Variants in SLC10A7 observed in about 807,000 individuals in gnomAD.
The protein encoded by SLC10A7 is solute carrier family 10 member 7.
In SLC10A7, 29 loss-of-function variants were observed where a neutral mutation model predicts 43.2. That is an observed-to-expected ratio of 0.67 (90% CI 0.50 to 0.92). The LOEUF (loss-of-function observed/expected upper bound fraction) is 0.92. SLC10A7 is among the 40% of genes least tolerant of loss of function. The probability of loss-of-function intolerance (pLI) is 0.00; values close to 1 mark genes in which losing one functional copy is unlikely to be tolerated. For synonymous variants in SLC10A7, 152 were observed against 144.8 expected (o/e 1.05, Z -0.35); for missense variants, 295 against 403.2 (o/e 0.73, Z 2.30).
At chr4:146,346,532 T>A (rs1242286544) in intron 5 of SLC10A7, among the ~76,000 whole-genome samples, 3 of 152,176 alleles carry the variant, frequency 2.0e-5, no homozygotes, top group Non-Finnish European at 4.4e-5. Context: ...CTATGAGCCT[T>A]AAGTTTCAGA....
intron 5 of SLC10A7, among the ~76,000 whole-genome samples, chr4:146,386,240 T>A (rs1737983875): frequency 6.6e-6 from 1 of 152,214 alleles, no homozygotes. Context: ...ATTGCCAGCA[T>A]CTGTTGTTTT....
intron 5 of SLC10A7, among the ~76,000 whole-genome samples, chr4:146,428,287 T>C (rs1729516528): frequency 1.3e-5 from 2 of 152,248 alleles, no homozygotes; most frequent in African/African-American, 2.4e-5. Flanking sequence ...CTCCATTACA[T>C]GGAGATAGAT....
chr4:146,345,148 T>C (rs1734531246), intron 5 of SLC10A7, among the ~76,000 whole-genome samples: 1 of 152,150 alleles, frequency 6.6e-6, no homozygotes, highest in Non-Finnish European at 1.5e-5. Flanking sequence ...ACTAGCTTGA[T>C]GCAGAGGGAT....
In SLC10A7 at chr4:146,372,668, A is replaced by G. The variant is rs531832049; in HGVS notation, c.436-46672T>C. ...TTAAACAAAACACTAATTCATTTAA[A>G]TAAGGCATTAATAAGATTATGTTTT... On this transcript the variant is annotated intron_variant, in intron 5 of 11. Transcript: ENST00000335472. Among the ~76,000 whole-genome samples the G allele has an allele frequency of 2.6e-5, 4 of 152,306 alleles. No individual in the cohort carries two copies. In the East Asian group the frequency reaches 7.7e-4, roughly 29 times the overall value.
At chr4:146,512,839 C>T (rs942962715) in intron 2 of SLC10A7, among the ~76,000 whole-genome samples, 1 of 151,976 alleles carries the variant, frequency 6.6e-6, no homozygotes, top group Admixed American at 6.6e-5. Context: ...ATAGCAAAAC[C>T]TTGTAAATTA....
intron 9 of SLC10A7, among the ~76,000 whole-genome samples, chr4:146,291,423 C>T (rs1730436004): frequency 6.6e-6 from 1 of 152,132 alleles, no homozygotes; most frequent in Admixed American, 6.5e-5. Context: ...TAGTGCTACA[C>T]CAAGTGCTGT....
chr4:146,387,026 C>T (rs1037966758), intron 5 of SLC10A7, among the ~76,000 whole-genome samples: 2 of 152,206 alleles, frequency 1.3e-5, no homozygotes, highest in Admixed American at 1.3e-4. Context: ...TTAGATTCTA[C>T]TTCTGACCTT....
intron 4 of SLC10A7, among the ~76,000 whole-genome samples, chr4:146,486,047 A>G (rs1261449284): frequency 6.6e-6 from 1 of 152,210 alleles, no homozygotes; most frequent in Non-Finnish European, 1.5e-5. Context: ...TGAATGTGTG[A>G]GGCAACTTCA....
At chr4:146,502,908 G>A (rs1316553274) in intron 4 of SLC10A7, among the ~76,000 whole-genome samples, 1 of 152,156 alleles carries the variant, frequency 6.6e-6, no homozygotes, top group Admixed American at 6.5e-5. Context: ...AGGGACTCAG[G>A]AAACTCTTTG....
intron 4 of SLC10A7, among the ~76,000 whole-genome samples, chr4:146,461,374 G>C (rs77429968): frequency 0.025 from 3,861 of 151,950 alleles, 74 homozygotes; most frequent in Non-Finnish European, 0.04. Flanking sequence ...AATTTTGTGA[G>C]GATTAAATGA....
At chr4:146,506,991 T>C (rs981596567) in intron 3 of SLC10A7, among the ~76,000 whole-genome samples, 1 of 152,218 alleles carries the variant, frequency 6.6e-6, no homozygotes, top group Non-Finnish European at 1.5e-5. Context: ...ATTTATGGCA[T>C]ACAACATGAT....
At chr4:146,396,908 G>A (rs755558581) in intron 5 of SLC10A7, among the ~76,000 whole-genome samples, 15 of 151,624 alleles carry the variant, frequency 9.9e-5, no homozygotes, top group Non-Finnish European at 1.9e-4. Flanking sequence ...ATAACAAAAG[G>A]AAAAGGAGAA....
intron 5 of SLC10A7, among the ~76,000 whole-genome samples, chr4:146,338,009 T>G (rs565926995): frequency 1.1e-4 from 17 of 151,990 alleles, no homozygotes; most frequent in African/African-American, 4.8e-5. Context: ...AACATGGATG[T>G]TTTTTCCCAC....
At chr4:146,462,118 AT>A (rs1732592380) in intron 4 of SLC10A7, among the ~76,000 whole-genome samples, 2 of 152,126 alleles carry the variant, frequency 1.3e-5, no homozygotes, top group Non-Finnish European at 2.9e-5. Flanking sequence ...AATAATTGCT[AT>A]AAAATGTTAA....
chr4:146,379,744 T>C (rs529026169), intron 5 of SLC10A7, among the ~76,000 whole-genome samples: 130 of 152,296 alleles, frequency 8.5e-4, no homozygotes, highest in African/African-American at 3.1e-3. Flanking sequence ...CCAAAGAACA[T>C]CGCATTAAGT....
Position 146,508,232 on chromosome 4 carries a change from G to A in SLC10A7, c.320+1681C>T, listed in dbSNP as rs79599619. Among the ~76,000 whole-genome samples, 17 of 152,118 alleles carry A rather than the reference G, an allele frequency of 1.1e-4. No individual in the cohort carries two copies. The East Asian group carries it at 1.9e-3, about 17-fold the overall frequency. ...CACCACTCATCTGAAAAATCACATG[G>A]TGCCCCATTTTAGTGATTACTAGGA... is the stretch of plus-strand genomic sequence containing the variant. On this transcript the variant is annotated intron_variant, in intron 3 of 11. Transcript: ENST00000335472.
intron 5 of SLC10A7, among the ~76,000 whole-genome samples, chr4:146,362,916 T>C (rs1340899414): frequency 1.3e-5 from 2 of 151,294 alleles, no homozygotes; most frequent in East Asian, 3.9e-4. Context: ...GAAAAATTAC[T>C]TATAAACAAA....
intron 4 of SLC10A7, among the ~76,000 whole-genome samples, chr4:146,466,748 A>G (rs892926927): frequency 6.6e-6 from 1 of 152,204 alleles, no homozygotes; most frequent in Non-Finnish European, 1.5e-5. Flanking sequence ...TATTTTATAG[A>G]TACAAAAGAT....
rs572825733 is a variant in SLC10A7, at chr4:146,432,561, G to GA, written c.435+10221dup. Among the ~76,000 whole-genome samples the GA allele has an allele frequency of 1.5e-3, 230 of 151,808 alleles. 1 individual carries two copies. Among genetic ancestry groups the GA allele is most frequent in the South Asian group, 9.0e-3 (43 of 4,802 alleles). On this transcript the variant is annotated intron_variant, in intron 5 of 11. Transcript: ENST00000335472. The stretch of plus-strand genomic sequence containing the variant: ...GAAAAAGGCAAAAGTATAGAGAAAG[G>GA]AAAAAAAATCAGTGGCTGCCAGAGA...
Sources: allele counts gnomAD v4.1 joint callset (sites outside exome capture counted in the v4.1 genomes callset), GRCh38; gene constraint gnomAD v4.1.1; transcripts MANE v1.5; gene names NCBI Gene and HGNC (gene_info 2026-07-23, HGNC 2026-07-21).